The following MAPK10 variants were observed in gnomAD, a reference collection of about 807,000 sequenced individuals.
MAPK10 encodes JNK3 alpha protein kinase.
A neutral mutation model predicts 59.3 loss-of-function variants in MAPK10; 25 were observed. The ratio of observed to expected loss-of-function variants is 0.42; its 90% CI spans 0.31 to 0.59. The LOEUF (loss-of-function observed/expected upper bound fraction) is 0.59. MAPK10 is among the 20% of genes least tolerant of loss of function. MAPK10 has a pLI of 0.15. For synonymous variants in MAPK10, 190 were observed against 200.5 expected, an observed-to-expected ratio of 0.95 and a Z score of 0.44; for missense variants, 351 against 568.9, an observed-to-expected ratio of 0.62 and a Z score of 3.90.
intron 1 of MAPK10, among the ~76,000 whole-genome samples, chr4:86,437,350 CT>C (rs998990384): frequency 2.6e-5 from 4 of 151,716 alleles, no homozygotes; most frequent in East Asian, 1.9e-4. Context: ...TTATCAAATG[CT>C]TTTTTTCTTC....
intron 9 of MAPK10, among the ~76,000 whole-genome samples, chr4:86,075,383 T>C (rs1167453406): frequency 6.6e-6 from 1 of 152,212 alleles, no homozygotes; most frequent in Admixed American, 6.5e-5. Flanking sequence ...TGAAGCCTTC[T>C]TCTCTCAGCT....
chr4:86,131,443 C>G (rs184715721), intron 4 of MAPK10, among the ~76,000 whole-genome samples: 2 of 152,100 alleles, frequency 1.3e-5, no homozygotes, highest in African/African-American at 4.8e-5. Flanking sequence ...TTCTGAAAAG[C>G]ACAGTTAGGA....
chr4:86,298,144 G>C (rs2095403970), intron 2 of MAPK10, among the ~76,000 whole-genome samples: 1 of 151,950 alleles, frequency 6.6e-6, no homozygotes, highest in African/African-American at 2.4e-5. Flanking sequence ...AACTCCCTGT[G>C]GTCCTCTCTA....
chr4:86,140,371 A>T (rs1268356653), intron 4 of MAPK10, among the ~76,000 whole-genome samples: 1 of 145,470 alleles, frequency 6.9e-6, no homozygotes, highest in Non-Finnish European at 1.5e-5. Context: ...TGATGAGTTC[A>T]TGTCCTTTGT....
chr4:86,334,341 A>G (rs539234085), intron 2 of MAPK10, among the ~76,000 whole-genome samples: 9 of 152,184 alleles, frequency 5.9e-5, no homozygotes, highest in Admixed American at 5.9e-4. Context: ...GGTCACCACT[A>G]TGTCTCTCCT....
chr4:86,292,077 A>G (rs989311027), intron 2 of MAPK10, among the ~76,000 whole-genome samples: 1 of 152,210 alleles, frequency 6.6e-6, no homozygotes, highest in South Asian at 2.1e-4. Flanking sequence ...GATTCTGAAG[A>G]GTATTTATAG....
chr4:86,160,771 A>G (rs1220013547), intron 3 of MAPK10, among the ~76,000 whole-genome samples: 1 of 152,064 alleles, frequency 6.6e-6, no homozygotes, highest in Non-Finnish European at 1.5e-5. Flanking sequence ...TAATTTTAAC[A>G]TACACTAACT....
chr4:86,080,376 C>T (rs1033548140), intron 9 of MAPK10: 1 of 150,768 alleles, frequency 6.6e-6, no homozygotes, highest in African/African-American at 2.4e-5. Context: ...ATTACACTGA[C>T]AACTCTTTAT....
At chr4:86,066,594 A>T (rs1294260913) in intron 10 of MAPK10, among the ~76,000 whole-genome samples, 1 of 151,892 alleles carries the variant, frequency 6.6e-6, no homozygotes, top group Non-Finnish European at 1.5e-5. Context: ...GTGAAACCCC[A>T]TCTCTACTAA....
At chr4:86,185,204 T>C (rs544808995) in intron 3 of MAPK10, among the ~76,000 whole-genome samples, 1 of 152,268 alleles carries the variant, frequency 6.6e-6, no homozygotes, top group Non-Finnish European at 1.5e-5. Flanking sequence ...CAAAATGCAT[T>C]CAAGTGGAGA....
intron 1 of MAPK10, among the ~76,000 whole-genome samples, chr4:86,435,037 A>G (rs904140666): frequency 6.6e-6 from 1 of 152,222 alleles, no homozygotes; most frequent in African/African-American, 2.4e-5. Context: ...AAATAAGCCA[A>G]CCACAGAAAG....
At chr4:86,258,221 T>A (rs1450500917) in intron 2 of MAPK10, among the ~76,000 whole-genome samples, 1 of 152,160 alleles carries the variant, frequency 6.6e-6, no homozygotes, top group African/African-American at 2.4e-5. Flanking sequence ...CCTTAACTCC[T>A]TACTTCATAG....
intron 2 of MAPK10, among the ~76,000 whole-genome samples, chr4:86,224,846 T>C (rs1168734493): frequency 1.3e-5 from 2 of 152,320 alleles, no homozygotes; most frequent in African/African-American, 4.8e-5. Flanking sequence ...CCAAGATGAA[T>C]GAGACTAGCC....
At chr4:86,116,451 T>C (rs2058305465) in intron 4 of MAPK10, among the ~76,000 whole-genome samples, 1 of 152,196 alleles carries the variant, frequency 6.6e-6, no homozygotes, top group South Asian at 2.1e-4. Flanking sequence ...ACATCTTTCA[T>C]AATTTCAAAA....
intron 8 of MAPK10, chr4:86,099,082 C>G (rs890415635): frequency 2.0e-5 from 3 of 152,684 alleles, no homozygotes; most frequent in Admixed American, 2.0e-4. Context: ...CGGGGCAAAA[C>G]AAGATAAATT....
chr4:86,349,352 G>C (rs139799988), intron 2 of MAPK10, among the ~76,000 whole-genome samples: 2 of 152,124 alleles, frequency 1.3e-5, no homozygotes, highest in Non-Finnish European at 1.5e-5. Context: ...TCTTTGTCCT[G>C]CTTCTGCTTC....
chr4:86,215,363 G>A (rs747397108), intron 2 of MAPK10, among the ~76,000 whole-genome samples: 6 of 152,056 alleles, frequency 3.9e-5, no homozygotes, highest in Non-Finnish European at 5.9e-5. Context: ...TGATTTCTTG[G>A]ATATAACATG....
At chr4:86,363,523 AT>A (rs1433463398), upstream of MAPK10, among the ~76,000 whole-genome samples, 1 of 152,108 alleles carries the variant, frequency 6.6e-6, no homozygotes. Flanking sequence ...TGTTATTTTT[AT>A]TGGCAGTTAT....
Position 86,419,878 on chromosome 4 carries a change from GAAGT to G in MAPK10, c.-122+33148_-122+33151del, listed in dbSNP as rs975231350. ...TTTGAAGAAAATATTGAAAATAAAA[GAAGT>G]AAGAACGCAAGGAAGAACTTGCAAC... On this transcript the variant is annotated intron_variant, in intron 1 of 13. Transcript: ENST00000361569. Among the ~76,000 whole-genome samples, 11 of 152,056 alleles carry G rather than the reference GAAGT, an allele frequency of 7.2e-5. No individual in the cohort carries two copies. The South Asian group carries it at 8.3e-4, about 11-fold the overall frequency.
Sources: allele counts gnomAD v4.1 joint callset (sites outside exome capture counted in the v4.1 genomes callset), GRCh38; gene constraint gnomAD v4.1.1; transcripts MANE v1.5; gene names NCBI Gene and HGNC (gene_info 2026-07-23, HGNC 2026-07-21).